DMRTB1: variants seen among roughly 807,000 people sequenced by gnomAD.
DMRTB1 encodes DMRT like family B with proline rich C-terminal 1, also known as doublesex- and mab-3-related transcription factor B1.
In DMRTB1, 9 loss-of-function variants were observed where a neutral mutation model predicts 25.2. That is an observed-to-expected ratio of 0.36 (90% confidence interval 0.22 to 0.62). DMRTB1 has a LOEUF of 0.62. Ranked by LOEUF, DMRTB1 falls within the 20% of genes least tolerant of loss-of-function variation. The pLI, the probability that DMRTB1 is intolerant of heterozygous loss-of-function variation, is 0.71. For missense variants in DMRTB1, 551 were observed against 499.3 expected (o/e 1.10, Z -0.99); for synonymous variants, 269 against 238.1 (o/e 1.13, Z -1.20).
intron 2 of DMRTB1, among the ~76,000 whole-genome samples, chr1:53,462,278 A>G (rs1019696160): frequency 6.6e-6 from 1 of 152,344 alleles, no homozygotes; most frequent in Admixed American, 6.5e-5. Flanking sequence ...TGTGGTGTGT[A>G]CTACGAGGCA....
At chr1:53,464,971 C>T in intron 3 of DMRTB1, 124 bp downstream of exon 3, 2 of 1,346,748 alleles carry the variant, frequency 1.5e-6, no homozygotes, top group Admixed American at 1.7e-5. Context: ...GGGTGTTGAG[C>T]CCTAGAATGA....
chr1:53,466,866 G>C lies in DMRTB1; in HGVS notation c.*204G>C. The C allele has an allele frequency of 3.4e-6, 2 of 582,674 alleles. No homozygotes were observed. Among genetic ancestry groups the C allele is most frequent in the Non-Finnish European group, 6.0e-6 (2 of 335,352 alleles). 36.1% of individuals were successfully genotyped at this position (582,674 alleles called of 1,614,324 possible). ...ACAGTTGAAGAAGAGTGTGGAGGAAGCTATTACCAGGGGAGGGCCAGGGCT... is the reference window on the plus strand; with the variant it reads ...ACAGTTGAAGAAGAGTGTGGAGGAACCTATTACCAGGGGAGGGCCAGGGCT... On this transcript the variant is annotated 3_prime_UTR_variant, in exon 4 of 4. Coordinates refer to ENST00000371445, the MANE Select transcript of DMRTB1 (RefSeq NM_033067.3).
rs1644053709 is a variant in DMRTB1, at chr1:53,466,977, C to T, written c.*315C>T. ...ACACTACCATTTATTGGAACAAGCC[C>T]CAGAGGCAGTATTTGATTTCCTCAG... On this transcript the variant is annotated 3_prime_UTR_variant, in exon 4 of 4. Transcript: ENST00000371445. The T allele has an allele frequency of 3.0e-6, 1 of 331,764 alleles. No individual in the cohort carries two copies. The highest frequency in any genetic ancestry group is 4.5e-5 in the Admixed American group (1 of 22,410). 20.6% of individuals were successfully genotyped at this position (331,764 alleles called of 1,614,324 possible). A position where few individuals can be genotyped will look rare whatever the true frequency, so the allele number is the denominator to read the frequency against.
intron 2 of DMRTB1, among the ~76,000 whole-genome samples, chr1:53,462,507 G>T (rs732385): frequency 6.6e-6 from 1 of 152,220 alleles, no homozygotes; most frequent in South Asian, 2.1e-4. Context: ...CTTAGATGTT[G>T]TGAGATTGTG....
At chr1:53,463,035 G>A (rs961818382) in intron 2 of DMRTB1, among the ~76,000 whole-genome samples, 7 of 152,222 alleles carry the variant, frequency 4.6e-5, no homozygotes, top group African/African-American at 7.2e-5. Context: ...GATCTCAGTC[G>A]GTTTATCTGG....
chr1:53,460,083 CA>C, intron 1 of DMRTB1, 53 bp downstream of exon 1: 1 of 1,495,904 alleles, frequency 6.7e-7, no homozygotes. Flanking sequence ...CAGCCCAGGC[CA>C]GCCCGGATGG....
chr1:53,463,807 T>C (rs914020491), intron 2 of DMRTB1, among the ~76,000 whole-genome samples: 5 of 152,330 alleles, frequency 3.3e-5, no homozygotes, highest in Middle Eastern at 3.4e-3. Flanking sequence ...CTCTGAAGCA[T>C]CTGGATAGAG....
chr1:53,464,074 CCT>C (rs1165921876), intron 2 of DMRTB1, among the ~76,000 whole-genome samples: 2 of 152,200 alleles, frequency 1.3e-5, no homozygotes, highest in Non-Finnish European at 2.9e-5. Flanking sequence ...ACATTGCCAA[CCT>C]CTTCTCCCAA....
chr1:53,465,215 C>T (rs1644044706), intron 3 of DMRTB1, among the ~76,000 whole-genome samples: 1 of 152,146 alleles, frequency 6.6e-6, no homozygotes, highest in African/African-American at 2.4e-5. Context: ...GTTTGGAAGA[C>T]CAGAGGTGCC....
At chr1:53,463,771 C>G (rs1018841787) in intron 2 of DMRTB1, among the ~76,000 whole-genome samples, 8 of 152,220 alleles carry the variant, frequency 5.3e-5, no homozygotes, top group African/African-American at 1.7e-4. Context: ...ACCAGGACTC[C>G]ATGAAACTCA....
At position 53,462,355 on chromosome 1, in the gene DMRTB1, C is replaced by T. The variant is rs190048907; in HGVS notation, c.750+710C>T. ...AGACTAGGATGGCTAAAAGCCCCCTCTCTCCTTAATGAAAGTCATTAGCTG... is the reference window on the plus strand; with the variant it reads ...AGACTAGGATGGCTAAAAGCCCCCTTTCTCCTTAATGAAAGTCATTAGCTG... On this transcript the variant is annotated intron_variant, in intron 2 of 3. Coordinates refer to ENST00000371445, the MANE Select transcript of DMRTB1 (RefSeq NM_033067.3). Among the ~76,000 whole-genome samples, 713 of 152,262 alleles carry T rather than the reference C, an allele frequency of 4.7e-3. 4 individuals are homozygous for T. Among genetic ancestry groups the T allele is most frequent in the Non-Finnish European group, 7.2e-3 (491 of 68,024 alleles).
Position 53,459,747 on chromosome 1 carries a change from G to C in DMRTB1, c.294G>C (p.Leu98=). The change falls in exon 1 of 4, where the codon CTG becomes CTC. Residue 98 remains leucine, a synonymous_variant. Coordinates refer to ENST00000371445, the MANE Select transcript of DMRTB1 (RefSeq NM_033067.3). ...VPVPAASLRP[L]SPGTPSGDAD... is the part of the protein sequence containing the mutation. The stretch of plus-strand genomic sequence containing the variant: ...TCCCGGCCGCGAGCCTCCGCCCGCT[G>C]TCCCCGGGGACTCCCTCCGGAGACG... 3 of 1,357,112 alleles carry C rather than the reference G, an allele frequency of 2.2e-6. No individual in the cohort carries two copies. Among genetic ancestry groups the C allele is most frequent in the Non-Finnish European group, 2.8e-6 (3 of 1,058,194 alleles). The allele number at this position is 1,357,112 out of a possible 1,614,324, so 84.1% of individuals were successfully genotyped here. A position where few individuals can be genotyped will look rare whatever the true frequency, so the allele number is the denominator to read the frequency against.
Position 53,459,974 on chromosome 1 carries a change from C to G in DMRTB1, c.521C>G (p.Pro174Arg), listed in dbSNP as rs929777443. 1 of 1,584,492 alleles carries G rather than the reference C, an allele frequency of 6.3e-7. No homozygotes were observed. Among genetic ancestry groups the G allele is most frequent in the Non-Finnish European group, 8.5e-7 (1 of 1,174,400 alleles). ...AEAAGSGYPG[P>R]LDLRRPMRTV... Reference sequence around the variant, plus strand: ...GCCGCAGGCAGTGGCTACCCTGGCCCCCTAGACCTGCGCAGGCCGATGCGG... The same window carrying G: ...GCCGCAGGCAGTGGCTACCCTGGCCGCCTAGACCTGCGCAGGCCGATGCGG... The change falls in exon 1 of 4, where the codon CCC becomes CGC. Residue 174 changes from proline to arginine, a missense_variant. Physicochemically the swap from Pro to Arg is moderately radical, Grantham distance 103. Transcript: ENST00000371445.
rs770317963 is a variant in DMRTB1, at chr1:53,459,912, G to A, written c.459G>A (p.Ala153=). 1 of 1,548,642 alleles carries A rather than the reference G, an allele frequency of 6.5e-7. No homozygotes were observed. The highest frequency in any genetic ancestry group is 1.8e-5 in the Admixed American group (1 of 55,010). The change falls in exon 1 of 4, where the codon GCG becomes GCA. Residue 153 remains alanine (A), a synonymous_variant. Coordinates refer to ENST00000371445, the MANE Select transcript of DMRTB1 (RefSeq NM_033067.3). ...HVEPSERAAV[A]MPSLAGPPFG... ...AGCCGAGCGAGCGAGCCGCCGTGGC[G>A]ATGCCCAGCCTTGCGGGACCCCCTT...
chr1:53,461,206 C>CA (rs1644020241), intron 1 of DMRTB1, among the ~76,000 whole-genome samples: 1 of 152,196 alleles, frequency 6.6e-6, no homozygotes, highest in South Asian at 2.1e-4. Context: ...CTCAGAGAGG[C>CA]AGAGTGCGGG....
At position 53,459,708 on chromosome 1, in the gene DMRTB1, C is replaced by T; in HGVS notation, c.255C>T (p.Pro85=). The change falls in exon 1 of 4, where the codon CCC becomes CCT. Residue 85 remains proline (P), a synonymous_variant. Coordinates refer to ENST00000371445, the MANE Select transcript of DMRTB1 (RefSeq NM_033067.3). ...KQASGAAAAA[P]APVPVPAASL... is the part of the protein sequence containing the mutation. ...CCTCCGGGGCTGCGGCCGCCGCCCCCGCCCCCGTCCCCGTCCCGGCCGCGA... is the reference window on the plus strand; with the variant it reads ...CCTCCGGGGCTGCGGCCGCCGCCCCTGCCCCCGTCCCCGTCCCGGCCGCGA... The T allele has an allele frequency of 1.4e-6, 2 of 1,442,114 alleles. No individual in the cohort carries two copies. The highest frequency in any genetic ancestry group is 1.8e-6 in the Non-Finnish European group (2 of 1,102,006). 89.3% of individuals were successfully genotyped at this position (1,442,114 alleles called of 1,614,324 possible).
At position 53,461,627 on chromosome 1, in the gene DMRTB1, G is replaced by A. The variant is rs371463077; in HGVS notation, c.732G>A (p.Gln244=). 24 of 1,599,550 alleles carry A rather than the reference G, an allele frequency of 1.5e-5. No individual in the cohort carries two copies. The highest frequency in any genetic ancestry group is 2.0e-5 in the Non-Finnish European group (23 of 1,173,834). Residue 244 remains glutamine, a synonymous_variant, in exon 2 of 4, where the codon CAG becomes CAA. Coordinates refer to ENST00000371445, the MANE Select transcript of DMRTB1 (RefSeq NM_033067.3). ...QQGFRHVSRS[Q]YQGGGLVSEP... is the part of the protein sequence containing the mutation. ...GCTTCCGGCATGTGTCCCGCAGCCA[G>A]TACCAAGGCGGAGGCTTGGTGAGTC...
chr1:53,459,617 T>C lies in DMRTB1; in HGVS notation c.164T>C (p.Val55Ala). The change falls in exon 1 of 4, where the codon GTG (valine) becomes GCG (alanine). Residue 55 changes from valine to alanine, a missense_variant. Val to Ala is a moderately conservative substitution (Grantham distance 64). Coordinates refer to ENST00000371445, the MANE Select transcript of DMRTB1 (RefSeq NM_033067.3). ...CAGAAGATCATGGCCGCGCAGAAGGTGCTCAAGACGCAGGCCGCCGAGGAG... is the reference window on the plus strand; with the variant it reads ...CAGAAGATCATGGCCGCGCAGAAGGCGCTCAAGACGCAGGCCGCCGAGGAG... ...ERQKIMAAQK[V>A]LKTQAAEEEQ... is the part of the protein sequence containing the mutation. The C allele has an allele frequency of 6.3e-7, 1 of 1,578,770 alleles. No individual in the cohort carries two copies. The highest frequency in any genetic ancestry group is 8.6e-7 in the Non-Finnish European group (1 of 1,162,922).
chr1:53,460,741 G>C (rs894652065), intron 1 of DMRTB1, among the ~76,000 whole-genome samples: 1 of 152,236 alleles, frequency 6.6e-6, no homozygotes, highest in Non-Finnish European at 1.5e-5. Context: ...CCGGGGTTTG[G>C]TGCGGACGCG....
Sources: gnomAD v4.1 joint callset for allele counts (sites outside exome capture counted in the v4.1 genomes callset) on GRCh38, gnomAD v4.1.1 for gene constraint, MANE v1.5 for transcripts, NCBI Gene and HGNC (gene_info 2026-07-23, HGNC 2026-07-21) for gene names.